The following PTPRM variants were observed in gnomAD, a reference collection of about 807,000 sequenced individuals.
PTPRM encodes protein tyrosine phosphatase receptor type M, also known as receptor-type tyrosine-protein phosphatase mu.
PTPRM carries 47 observed loss-of-function variants against 186.7 expected under a neutral mutation model. The ratio of observed to expected loss-of-function variants is 0.25; its 90% CI spans 0.20 to 0.32. The LOEUF is 0.32. PTPRM is among the 10% of genes least tolerant of loss of function. PTPRM has a pLI of 1.00. For synonymous variants in PTPRM, 668 were observed against 674.9 expected (o/e 0.99, Z 0.16); for missense variants, 1,494 against 1,865.0 (o/e 0.80, Z 3.66).
intron 5 of PTPRM, among the ~76,000 whole-genome samples, chr18:7,940,994 A>G (rs2052135412): frequency 6.6e-6 from 1 of 152,194 alleles, no homozygotes; most frequent in African/African-American, 2.4e-5. Flanking sequence ...ATTCTGAACC[A>G]CATTTTACTG....
At chr18:8,376,244 A>G (rs749072749) in intron 25 of PTPRM, 44 bp downstream of exon 25, 7 of 1,597,822 alleles carry the variant, frequency 4.4e-6, no homozygotes, top group Non-Finnish European at 6.0e-6. Flanking sequence ...GCAGTGGGTG[A>G]TGGGTGCAGG....
chr18:8,294,915 G>T (rs752807951), intron 19 of PTPRM, among the ~76,000 whole-genome samples: 15 of 152,164 alleles, frequency 9.9e-5, no homozygotes, highest in Non-Finnish European at 1.8e-4. Context: ...CAGACCTGGG[G>T]CTAGGGTCTT....
intron 2 of PTPRM, among the ~76,000 whole-genome samples, chr18:7,886,644 G>A (rs578110549): frequency 1.1e-3 from 168 of 152,278 alleles, no homozygotes; most frequent in African/African-American, 3.7e-3. Flanking sequence ...TGGAAACTCA[G>A]AAGCTCAAAG....
chr18:7,974,787 T>C (rs189111243), intron 7 of PTPRM, among the ~76,000 whole-genome samples: 88 of 152,364 alleles, frequency 5.8e-4, no homozygotes, highest in African/African-American at 2.0e-3. Context: ...GTAACTTTTT[T>C]CTTTCAATCT....
chr18:8,206,171 G>T (rs144755188), intron 14 of PTPRM, among the ~76,000 whole-genome samples: 122 of 152,270 alleles, frequency 8.0e-4, no homozygotes, highest in Middle Eastern at 6.8e-3. Flanking sequence ...TGTAGTAGTA[G>T]AAGCAGAGAG....
rs528431070 is a variant in PTPRM, at chr18:7,935,295, ATTG to A, written c.663+8615_663+8617del. ...TTGAGTACTTAAAATCACATCCATTATTGTTTTAGTCAGTTAAATATCTATATC... is the reference window on the plus strand; with the variant it reads ...TTGAGTACTTAAAATCACATCCATTATTTTAGTCAGTTAAATATCTATATC... On this transcript the variant is annotated intron_variant, in intron 5 of 32. Coordinates refer to ENST00000580170, the MANE Select transcript of PTPRM (RefSeq NM_001105244.2). 4.0e-4 allele frequency among the ~76,000 whole-genome samples: 61 copies of A among 152,232 alleles called. 2 individuals carry two copies. Among genetic ancestry groups the A allele is most frequent in the African/African-American group, 1.4e-3 (59 of 41,562 alleles).
intron 14 of PTPRM, among the ~76,000 whole-genome samples, chr18:8,223,269 T>G (rs1441903662): frequency 1.3e-5 from 2 of 152,138 alleles, no homozygotes; most frequent in Non-Finnish European, 2.9e-5. Context: ...TGACTAATTA[T>G]AAATAAACTG....
chr18:7,755,848 C>G (rs1349896595), intron 1 of PTPRM, among the ~76,000 whole-genome samples: 1 of 152,180 alleles, frequency 6.6e-6, no homozygotes, highest in African/African-American at 2.4e-5. Flanking sequence ...GACTTTTAAG[C>G]TGAGAGGCTG....
At chr18:7,842,947 T>TATATATATATATATATATAG (rs370746043) in intron 2 of PTPRM, among the ~76,000 whole-genome samples, 10 of 112,114 alleles carry the variant, frequency 8.9e-5, no homozygotes, top group African/African-American at 2.9e-4. Flanking sequence ...TATATATATA[T>TATATATATATATATATATAG]AGAGAGAGAG....
intron 7 of PTPRM, among the ~76,000 whole-genome samples, chr18:7,985,437 G>A (rs1365960938): frequency 2.4e-5 from 3 of 123,326 alleles, no homozygotes; most frequent in Admixed American, 8.4e-5. Context: ...TGGTAGATAC[G>A]TATATAAATA....
At chr18:7,707,636 C>T (rs1184680925) in intron 1 of PTPRM, among the ~76,000 whole-genome samples, 1 of 152,068 alleles carries the variant, frequency 6.6e-6, no homozygotes, top group Non-Finnish European at 1.5e-5. Flanking sequence ...GAGGCCCTAT[C>T]TCTAAATAAT....
At chr18:8,267,141 A>G (rs748214159) in intron 19 of PTPRM, among the ~76,000 whole-genome samples, 13 of 152,198 alleles carry the variant, frequency 8.5e-5, no homozygotes, top group South Asian at 2.1e-4. Context: ...TTAGGTAATT[A>G]TGCATGTGAG....
chr18:7,842,861 C>CATATAT (rs57856136), intron 2 of PTPRM, among the ~76,000 whole-genome samples: 52 of 80,946 alleles, frequency 6.4e-4, no homozygotes, highest in African/African-American at 1.8e-3. Flanking sequence ...GAGAGAGAAA[C>CATATAT]ATATATATAT....
intron 7 of PTPRM, among the ~76,000 whole-genome samples, chr18:8,040,353 A>T (rs1003840129): frequency 6.6e-6 from 1 of 152,252 alleles, no homozygotes; most frequent in African/African-American, 2.4e-5. Context: ...TGCTTCCTGT[A>T]GGATGGTTGG....
At chr18:7,632,353 G>A (rs539497607) in intron 1 of PTPRM, among the ~76,000 whole-genome samples, 26 of 152,340 alleles carry the variant, frequency 1.7e-4, no homozygotes, top group East Asian at 3.9e-4. Context: ...GAGATGTTGC[G>A]TAATTGGCCT....
At chr18:7,855,364 A>G (rs2047047411) in intron 2 of PTPRM, among the ~76,000 whole-genome samples, 1 of 152,176 alleles carries the variant, frequency 6.6e-6, no homozygotes, top group Admixed American at 6.6e-5. Flanking sequence ...GAAGTGCCTC[A>G]TTCCCATCTC....
intron 1 of PTPRM, among the ~76,000 whole-genome samples, chr18:7,587,303 A>C (rs1312281630): frequency 6.6e-6 from 1 of 151,960 alleles, no homozygotes; most frequent in Non-Finnish European, 1.5e-5. Context: ...TTCTATTTCC[A>C]TTTTTCATTT....
chr18:8,398,065 T>C (rs1156411545), intron 32 of PTPRM, among the ~76,000 whole-genome samples: 1 of 152,194 alleles, frequency 6.6e-6, no homozygotes, highest in African/African-American at 2.4e-5. Flanking sequence ...CTCAAACCCC[T>C]GGGCTCAAGC....
chr18:7,859,578 C>T (rs563439072), intron 2 of PTPRM, among the ~76,000 whole-genome samples: 45 of 152,322 alleles, frequency 3.0e-4, no homozygotes, highest in African/African-American at 1.0e-3. Context: ...CCAAGTATGC[C>T]CACTGGAGTT....
Sources: gnomAD v4.1 joint callset for allele counts (sites outside exome capture counted in the v4.1 genomes callset) on GRCh38, gnomAD v4.1.1 for gene constraint, MANE v1.5 for transcripts, NCBI Gene and HGNC (gene_info 2026-07-23, HGNC 2026-07-21) for gene names.